The following GULP1 variants were observed in gnomAD, a reference collection of about 807,000 sequenced individuals.
GULP1 encodes GULP PTB domain containing engulfment adaptor 1.
In GULP1, 19 loss-of-function variants were observed where a neutral mutation model predicts 40.9. The ratio of observed to expected loss-of-function variants is 0.46; its 90% CI spans 0.32 to 0.68. The LOEUF is 0.68. Ranked by LOEUF, GULP1 falls within the 30% of genes least tolerant of loss-of-function variation. The pLI is 0.03. For missense variants in GULP1, 312 were observed against 362.2 expected, an observed-to-expected ratio of 0.86 and a Z score of 1.12; for synonymous variants, 119 against 117.6, an observed-to-expected ratio of 1.01 and a Z score of -0.08.
intron 1 of GULP1, among the ~76,000 whole-genome samples, chr2:188,326,300 AC>A (rs2040758843): frequency 6.6e-6 from 1 of 152,184 alleles, no homozygotes; most frequent in South Asian, 2.1e-4. Flanking sequence ...ATTATTTTGT[AC>A]ATCTACTATT....
chr2:188,348,446 G>A (rs571083108), intron 1 of GULP1, among the ~76,000 whole-genome samples: 4 of 152,190 alleles, frequency 2.6e-5, no homozygotes, highest in African/African-American at 9.6e-5. Context: ...CTCATGATTT[G>A]AATGTAGTAT....
At position 188,499,135 on chromosome 2, in the gene GULP1, G is replaced by GTATA. The variant is rs893185238; in HGVS notation, c.90+15675_90+15678dup. 3.3e-3 allele frequency among the ~76,000 whole-genome samples: 186 copies of GTATA among 56,332 alleles called. 2 individuals are homozygous for GTATA. Among genetic ancestry groups the GTATA allele is most frequent in the Admixed American group, 0.015 (81 of 5,466 alleles). The allele number at this position is 56,332 out of a possible 152,430, so 37.0% of individuals were successfully genotyped here. ...TATACAAATGCACATATATGTGTGTGTATATATATATATATATATATATAT... is the reference window on the plus strand; with the variant it reads ...TATACAAATGCACATATATGTGTGTGTATATATATATATATATATATATATATAT... On this transcript the variant is annotated intron_variant, in intron 4 of 11. Coordinates refer to ENST00000409830, the MANE Select transcript of GULP1 (RefSeq NM_016315.4).
intron 5 of GULP1, among the ~76,000 whole-genome samples, chr2:188,528,502 TG>T (rs1450284803): frequency 2.6e-5 from 4 of 151,656 alleles, no homozygotes; most frequent in Non-Finnish European, 5.9e-5. Flanking sequence ...ATGAAAGTAT[TG>T]AAAAAAAAAA....
chr2:188,453,020 G>A (rs2058960827), intron 2 of GULP1, among the ~76,000 whole-genome samples: 1 of 150,598 alleles, frequency 6.6e-6, no homozygotes, highest in Non-Finnish European at 1.5e-5. Context: ...GTCTCACTAT[G>A]TTGCCCAGGC....
intron 4 of GULP1, among the ~76,000 whole-genome samples, chr2:188,487,053 A>G (rs1006957481): frequency 6.6e-6 from 1 of 152,000 alleles, no homozygotes; most frequent in African/African-American, 2.4e-5. Context: ...TGCTACTATA[A>G]TTAGAATGTT....
At chr2:188,458,795 T>C (rs2152952984) in intron 2 of GULP1, among the ~76,000 whole-genome samples, 1 of 152,102 alleles carries the variant, frequency 6.6e-6, no homozygotes, top group East Asian at 1.9e-4. Flanking sequence ...TTTTTTTTTG[T>C]ACCTGTTAAC....
At chr2:188,564,330 A>G (rs985521659) in intron 7 of GULP1, among the ~76,000 whole-genome samples, 13 of 151,828 alleles carry the variant, frequency 8.6e-5, no homozygotes, top group Non-Finnish European at 1.5e-5. Context: ...CACATATATA[A>G]TATCAACTTT....
chr2:188,432,105 A>C (rs961855972), intron 2 of GULP1, among the ~76,000 whole-genome samples: 3 of 151,618 alleles, frequency 2.0e-5, no homozygotes, highest in Non-Finnish European at 4.4e-5. Flanking sequence ...GAAATCTTGA[A>C]TTGTCTGTCA....
intron 3 of GULP1, among the ~76,000 whole-genome samples, chr2:188,478,597 G>A (rs1233815427): frequency 6.6e-6 from 1 of 152,032 alleles, no homozygotes; most frequent in Non-Finnish European, 1.5e-5. Flanking sequence ...AAAATGACAA[G>A]TTAGGCCTTA....
chr2:188,370,957 T>G (rs62183208), intron 1 of GULP1, among the ~76,000 whole-genome samples: 4,149 of 152,222 alleles, frequency 0.027, 98 homozygotes, highest in Middle Eastern at 0.065. Context: ...TCTTTAACAC[T>G]TTTCATTCTT....
At chr2:188,586,308 T>C (rs947408602) in intron 10 of GULP1, among the ~76,000 whole-genome samples, 27 of 152,172 alleles carry the variant, frequency 1.8e-4, no homozygotes, top group African/African-American at 6.0e-4. Context: ...TTTACTAAAT[T>C]TTTACTTCCT....
chr2:188,372,648 A>T (rs765627883), intron 1 of GULP1, among the ~76,000 whole-genome samples: 3 of 151,976 alleles, frequency 2.0e-5, no homozygotes, highest in African/African-American at 7.2e-5. Context: ...GATTATTTTG[A>T]CCTAACATCC....
intron 2 of GULP1, among the ~76,000 whole-genome samples, chr2:188,424,400 T>C (rs1476579386): frequency 5.3e-5 from 8 of 151,942 alleles, no homozygotes; most frequent in Admixed American, 5.2e-4. Flanking sequence ...CCACCTTCAT[T>C]GATTTCAATG....
chr2:188,489,194 A>T (rs2062128842), intron 4 of GULP1, among the ~76,000 whole-genome samples: 1 of 152,074 alleles, frequency 6.6e-6, no homozygotes, highest in African/African-American at 2.4e-5. Context: ...AACTCTTTGG[A>T]ATCGTTGAAA....
At chr2:188,553,704 A>G (rs765868590) in intron 7 of GULP1, among the ~76,000 whole-genome samples, 34 of 152,114 alleles carry the variant, frequency 2.2e-4, no homozygotes, top group African/African-American at 4.1e-4. Context: ...CTGTTCTTCA[A>G]TGTTTTGGAA....
intron 1 of GULP1, among the ~76,000 whole-genome samples, chr2:188,313,185 G>A (rs2038473039): frequency 6.6e-6 from 1 of 152,096 alleles, no homozygotes; most frequent in South Asian, 2.1e-4. Context: ...TTGTTATGAA[G>A]TCTTTGTCCA....
intron 2 of GULP1, among the ~76,000 whole-genome samples, chr2:188,458,292 T>C (rs2059427817): frequency 6.6e-6 from 1 of 152,172 alleles, no homozygotes; most frequent in Admixed American, 6.5e-5. Context: ...AGTTTTCTCC[T>C]GTTAACATAA....
intron 4 of GULP1, among the ~76,000 whole-genome samples, chr2:188,506,636 C>A (rs2063946183): frequency 6.6e-6 from 1 of 151,894 alleles, no homozygotes; most frequent in Non-Finnish European, 1.5e-5. Flanking sequence ...GTAGATATAA[C>A]AAAACAATTA....
chr2:188,379,693 T>C (rs942485886), intron 1 of GULP1, among the ~76,000 whole-genome samples: 1 of 152,230 alleles, frequency 6.6e-6, no homozygotes, highest in African/African-American at 2.4e-5. Flanking sequence ...TGTTATAACA[T>C]GGCAGTCAGG....
Sources: gnomAD v4.1 joint callset for allele counts (sites outside exome capture counted in the v4.1 genomes callset) on GRCh38, gnomAD v4.1.1 for gene constraint, MANE v1.5 for transcripts, NCBI Gene and HGNC (gene_info 2026-07-23, HGNC 2026-07-21) for gene names.